KAZN: variants seen among roughly 807,000 people sequenced by gnomAD.
KAZN encodes kazrin, periplakin interacting protein.
In KAZN, 40 loss-of-function variants were observed where a neutral mutation model predicts 87.4. The observed-to-expected ratio is 0.46, with a 90% CI of 0.36 to 0.60. The LOEUF (loss-of-function observed/expected upper bound fraction) is 0.60, where lower values mean the gene tolerates loss of function less well. KAZN is among the 20% of genes least tolerant of loss of function. KAZN has a pLI of 0.00. For missense variants in KAZN, 898 were observed against 1,073.9 expected (o/e 0.84, Z 2.29); for synonymous variants, 466 against 458.3 (o/e 1.02, Z -0.22).
intron 1 of KAZN, chr1:14,945,894 A>G (rs1378883618): frequency 2.0e-6 from 2 of 985,262 alleles, no homozygotes; most frequent in Non-Finnish European, 2.4e-6. Context: ...TGTCGCCTCC[A>G]TGGAGTCAGG....
intron 2 of KAZN, among the ~76,000 whole-genome samples, chr1:14,380,405 A>T (rs889848484): frequency 3.9e-5 from 6 of 152,246 alleles, no homozygotes; most frequent in Non-Finnish European, 7.3e-5. Flanking sequence ...AGAAACAGAG[A>T]TATGTGACCT....
chr1:14,300,233 C>A (rs986454709), intron 2 of KAZN, among the ~76,000 whole-genome samples: 14 of 151,236 alleles, frequency 9.3e-5, no homozygotes, highest in African/African-American at 3.4e-4. Flanking sequence ...GGGCTTTATT[C>A]CAAGTTTAAT....
chr1:14,229,241 C>T (rs1647576588), intron 2 of KAZN, among the ~76,000 whole-genome samples: 1 of 152,158 alleles, frequency 6.6e-6, no homozygotes, highest in Admixed American at 6.5e-5. Context: ...CCTTAGCTCT[C>T]TTAAAAAACA....
At chr1:14,472,869 T>A (rs1207732669) in intron 2 of KAZN, among the ~76,000 whole-genome samples, 4 of 152,168 alleles carry the variant, frequency 2.6e-5, no homozygotes, top group African/African-American at 9.7e-5. Flanking sequence ...ATAGAAGAGA[T>A]ACAAAGTCGA....
chr1:14,420,212 A>G (rs916633754), intron 2 of KAZN, among the ~76,000 whole-genome samples: 1 of 152,104 alleles, frequency 6.6e-6, no homozygotes, highest in Non-Finnish European at 1.5e-5. Flanking sequence ...CTTGAGCTAG[A>G]CACAGAGTGC....
intron 1 of KAZN, among the ~76,000 whole-genome samples, chr1:14,948,056 C>T (rs751580936): frequency 1.3e-5 from 2 of 152,174 alleles, no homozygotes; most frequent in Non-Finnish European, 2.9e-5. Flanking sequence ...GTTCCCTTGT[C>T]CATTTTTGCT....
intron 1 of KAZN, among the ~76,000 whole-genome samples, chr1:14,045,441 AT>A (rs112190971): frequency 1.1e-4 from 16 of 152,348 alleles, no homozygotes; most frequent in African/African-American, 3.8e-4. Flanking sequence ...ATGGAGAAAG[AT>A]TTCTAACCTT....
rs148311333 is a variant in KAZN, at chr1:14,562,221, A to T, written c.250-36762A>T. On this transcript the variant is annotated intron_variant, in intron 2 of 16. Coordinates refer to the KAZN transcript ENST00000636203. ...TAACTTCTAATTTGGAAAAGGGTGA[A>T]TTAGTTGTGAGCAATTGCCTGGGAG... is the stretch of plus-strand genomic sequence containing the variant. 1.1e-4 allele frequency among the ~76,000 whole-genome samples: 17 copies of T among 152,342 alleles called. No homozygotes were observed. In the East Asian group the frequency reaches 2.9e-3, roughly 26 times the overall value.
At chr1:14,419,647 T>C (rs1332224616) in intron 2 of KAZN, among the ~76,000 whole-genome samples, 1 of 152,200 alleles carries the variant, frequency 6.6e-6, no homozygotes, top group African/African-American at 2.4e-5. Context: ...CTTCTGATTT[T>C]CGGATGTGTT....
intron 1 of KAZN, among the ~76,000 whole-genome samples, chr1:14,852,412 G>A (rs1187159575): frequency 6.6e-6 from 1 of 152,342 alleles, no homozygotes; most frequent in Non-Finnish European, 1.5e-5. Context: ...GACGGTGCCA[G>A]GCCTGCGAAT....
chr1:14,323,644 C>T (rs138171596), intron 2 of KAZN, among the ~76,000 whole-genome samples: 1 of 152,292 alleles, frequency 6.6e-6, no homozygotes, highest in Admixed American at 6.5e-5. Context: ...TTATTCTCAA[C>T]TTAATCTACT....
intron 2 of KAZN, among the ~76,000 whole-genome samples, chr1:14,381,127 G>A (rs1661330246): frequency 6.6e-6 from 1 of 152,156 alleles, no homozygotes; most frequent in African/African-American, 2.4e-5. Context: ...GTATGTATGT[G>A]TGTATATATA....
intron 1 of KAZN, among the ~76,000 whole-genome samples, chr1:13,981,555 T>C (rs1034720480): frequency 3.9e-5 from 6 of 152,156 alleles, no homozygotes; most frequent in Non-Finnish European, 8.8e-5. Flanking sequence ...GAACATTCTA[T>C]AGATTCCTGC....
chr1:14,005,280 G>A (rs144900622), intron 1 of KAZN, among the ~76,000 whole-genome samples: 15 of 152,290 alleles, frequency 9.8e-5, no homozygotes, highest in African/African-American at 2.9e-4. Context: ...GCTGATGGCC[G>A]CAGAGAAATA....
At position 14,662,701 on chromosome 1, in the gene KAZN, A is replaced by G. The variant is rs1362289753; in HGVS notation, c.226+63478A>G. On this transcript the variant is annotated intron_variant, in intron 1 of 14. Transcript: ENST00000376030. ...TATGAGTGTTTGCCTGTGTGTGTGT[A>G]TGTGTGCATGTGTATATGTATGAGT... Among the ~76,000 whole-genome samples, 3 of 150,702 alleles carry G rather than the reference A, an allele frequency of 2.0e-5. No individual in the cohort carries two copies. In the East Asian group the frequency reaches 5.9e-4, roughly 29 times the overall value.
rs896239858 is a variant in KAZN, at chr1:15,103,407, G to A, written c.1828G>A (p.Val610Met). 1.2e-5 allele frequency: 19 copies of A among 1,552,380 alleles called. No individual in the cohort carries two copies. Among genetic ancestry groups the A allele is most frequent in the Middle Eastern group, 3.3e-4 (2 of 6,008 alleles). The change falls in exon 12 of 15, where the codon GTG (valine) becomes ATG (methionine). Residue 610 changes from valine to methionine, a missense_variant. Coordinates refer to ENST00000376030, the MANE Select transcript of KAZN (RefSeq NM_201628.3). ...ARCETQNIDP[V>M]VWTNQRVLKW... ...CTGCGAGACGCAGAACATTGACCCC[G>A]TGGTGTGGACCAACCAGCGGGTGCT...
chr1:14,998,434 AGG>A (rs1425004753), intron 2 of KAZN, among the ~76,000 whole-genome samples: 1 of 152,148 alleles, frequency 6.6e-6, no homozygotes, highest in Non-Finnish European at 1.5e-5. Context: ...TTAGACCTTG[AGG>A]GTTCCTCTGG....
intron 8 of KAZN, among the ~76,000 whole-genome samples, chr1:15,083,235 C>A (rs923696811): frequency 3.3e-5 from 5 of 152,202 alleles, no homozygotes; most frequent in Non-Finnish European, 7.3e-5. Flanking sequence ...CTGTGCAGCC[C>A]CTTTTAGTTG....
At chr1:14,734,679 A>C (rs1271364925) in intron 1 of KAZN, among the ~76,000 whole-genome samples, 1 of 152,178 alleles carries the variant, frequency 6.6e-6, no homozygotes, top group East Asian at 1.9e-4. Flanking sequence ...CCACACTTTG[A>C]CTAGCAAAGG....
Sources: gnomAD v4.1 joint callset for allele counts (sites outside exome capture counted in the v4.1 genomes callset) on GRCh38, gnomAD v4.1.1 for gene constraint, MANE v1.5 for transcripts, NCBI Gene and HGNC (gene_info 2026-07-23, HGNC 2026-07-21) for gene names.